EDEM3: variants seen among roughly 807,000 people sequenced by gnomAD.
EDEM3 encodes the protein ER degradation enhancing alpha-mannosidase like protein 3, also known as ER degradation-enhancing alpha-mannosidase-like protein 3.
In EDEM3, 60 loss-of-function variants were observed where a neutral mutation model predicts 110.2. That is an observed-to-expected ratio of 0.54 (90% CI 0.44 to 0.67). EDEM3 has a LOEUF of 0.67. EDEM3 is among the 30% of genes least tolerant of loss of function. The pLI is 0.00. For synonymous variants in EDEM3, 352 were observed against 382.9 expected (o/e 0.92, Z 0.94); for missense variants, 996 against 1,121.0 (o/e 0.89, Z 1.59).
Position 184,708,295 on chromosome 1 carries a change from A to G in EDEM3, c.1895T>C (p.Met632Thr), listed in dbSNP as rs370413532. Residue 632 changes from methionine to threonine, a missense_variant, in exon 17 of 20, where the codon ATG becomes ACG. By Grantham distance (81) the Met-to-Thr change is moderately conservative. Transcript: ENST00000318130. Reference sequence around the variant, plus strand: ...TTGTTGCTGACTTGACAATTCAATCATCTCCTGCATGAACCTCAACCCATC... The same window carrying G: ...TTGTTGCTGACTTGACAATTCAATCGTCTCCTGCATGAACCTCAACCCATC... ...AEDGLRFMQE[M>T]IELSSQQQKE... The G allele has an allele frequency of 2.5e-6, 4 of 1,613,262 alleles. No individual in the cohort carries two copies.
intron 15 of EDEM3, 64 bp from the exon 16 acceptor site, chr1:184,710,611 G>A: frequency 6.7e-7 from 1 of 1,493,984 alleles, no homozygotes; most frequent in Non-Finnish European, 9.0e-7. Context: ...AAAAACACAT[G>A]TCAAATAAAA....
chr1:184,740,280 C>G (rs1043492100), intron 2 of EDEM3, among the ~76,000 whole-genome samples: 4 of 152,140 alleles, frequency 2.6e-5, no homozygotes, highest in African/African-American at 9.7e-5. Flanking sequence ...AATTCTCCCC[C>G]TCAATATAGG....
At chr1:184,712,690 G>T in intron 13 of EDEM3, 92 bp from the exon 14 acceptor site, 1 of 834,084 alleles carries the variant, frequency 1.2e-6, no homozygotes, top group Non-Finnish European at 1.8e-6. Flanking sequence ...TAATAATCCT[G>T]TCTATACCAA....
At chr1:184,712,708 G>T in intron 13 of EDEM3, 110 bp from the exon 14 acceptor site, 1 of 695,624 alleles carries the variant, frequency 1.4e-6, no homozygotes, top group Non-Finnish European at 2.2e-6. Flanking sequence ...CAACTTAGAT[G>T]TTCAAAGAAC....
intron 2 of EDEM3, among the ~76,000 whole-genome samples, chr1:184,740,313 G>A (rs1334666325): frequency 6.6e-6 from 1 of 152,074 alleles, no homozygotes; most frequent in Non-Finnish European, 1.5e-5. Context: ...TATGTTATTA[G>A]AGGGAGTCTC....
At chr1:184,721,530 T>C in intron 8 of EDEM3, 144 bp from the exon 9 acceptor site, 1 of 479,094 alleles carries the variant, frequency 2.1e-6, no homozygotes. Context: ...CTGGAACAGA[T>C]AATTATATTT....
chr1:184,702,350 T>C (rs1264703987), intron 19 of EDEM3, among the ~76,000 whole-genome samples: 2 of 152,206 alleles, frequency 1.3e-5, no homozygotes, highest in Non-Finnish European at 2.9e-5. Context: ...TAGATTTCTA[T>C]TGCCTTCACC....
intron 1 of EDEM3, among the ~76,000 whole-genome samples, chr1:184,753,168 A>G (rs1652862003): frequency 6.6e-6 from 1 of 151,998 alleles, no homozygotes; most frequent in Non-Finnish European, 1.5e-5. Flanking sequence ...ACCCCATGAG[A>G]TAATCTTCGT....
chr1:184,725,907 ATATGGAAG>A (rs1651165630), intron 7 of EDEM3, among the ~76,000 whole-genome samples: 1 of 152,278 alleles, frequency 6.6e-6, no homozygotes, highest in Non-Finnish European at 1.5e-5. Context: ...CAGAAGTGCA[ATATGGAAG>A]TCTAACAAAT....
rs1301893376 is a variant in EDEM3, at chr1:184,708,337, C to G, written c.1853G>C (p.Ser618Thr). The change falls in exon 17 of 20, where the codon AGT (serine) becomes ACT (threonine). Residue 618 changes from serine to threonine, a missense_variant. This residue lies in a region of EDEM3 where 345 missense variants were observed against 402.0 expected (regional missense o/e 0.86). Transcript: ENST00000318130. The stretch of plus-strand genomic sequence containing the variant: ...CAACCCATCTTCAGCGTCGATTGAA[C>G]TAGCAGCCTATGAAAAAAACAAATT... ...QLVQHAIQAASSIDAEDGLRF... is the reference protein window; with the variant it reads ...QLVQHAIQAATSIDAEDGLRF... 1 of 1,606,072 alleles carries G rather than the reference C, an allele frequency of 6.2e-7. No homozygotes were observed. Among genetic ancestry groups the G allele is most frequent in the South Asian group, 1.1e-5 (1 of 88,976 alleles).
At chr1:184,704,471 C>A (rs896121793) in intron 18 of EDEM3, among the ~76,000 whole-genome samples, 2 of 150,430 alleles carry the variant, frequency 1.3e-5, no homozygotes, top group African/African-American at 2.4e-5. Flanking sequence ...GCCAACACAG[C>A]GAAACCCCTT....
Position 184,726,355 on chromosome 1 carries a change from G to C in EDEM3, c.647C>G (p.Ala216Gly). The change falls in exon 7 of 20, where the codon GCT becomes GGT. Residue 216 changes from alanine to glycine, a missense_variant. Ala to Gly is a moderately conservative substitution (Grantham distance 60, BLOSUM62 0). Coordinates refer to ENST00000318130, the MANE Select transcript of EDEM3 (RefSeq NM_025191.4). ...NLKFGIRKPE[A>G]RTGTETDTCT... ...GGTATCTGTCTCAGTTCCTGTCCGA[G>C]CTTCTGGTTTTCTGATGCCAAACTT... 6.2e-7 allele frequency: 1 copy of C among 1,613,568 alleles called. No individual in the cohort carries two copies. The highest frequency in any genetic ancestry group is 1.3e-5 in the African/African-American group (1 of 75,016).
At chr1:184,754,266 T>C (rs1010905852) in intron 1 of EDEM3, among the ~76,000 whole-genome samples, 1 of 152,128 alleles carries the variant, frequency 6.6e-6, no homozygotes, top group Non-Finnish European at 1.5e-5. Flanking sequence ...CCTGCACATG[T>C]CACCGGCGGC....
chr1:184,741,492 A>G (rs187135732), intron 2 of EDEM3, among the ~76,000 whole-genome samples: 60 of 152,320 alleles, frequency 3.9e-4, no homozygotes, highest in African/African-American at 1.4e-3. Context: ...AGTAAATAAT[A>G]GTTTTGCTAT....
intron 6 of EDEM3, among the ~76,000 whole-genome samples, chr1:184,728,754 C>T (rs1057279905): frequency 6.6e-6 from 1 of 152,058 alleles, no homozygotes; most frequent in Non-Finnish European, 1.5e-5. Flanking sequence ...GAATTACAGG[C>T]ACACACCACT....
At chr1:184,719,284 G>T in intron 10 of EDEM3, 39 bp from the exon 11 acceptor site, 1 of 1,507,286 alleles carries the variant, frequency 6.6e-7, no homozygotes, top group Non-Finnish European at 8.9e-7. Flanking sequence ...AATAAAATAT[G>T]AGCTGATTTT....
chr1:184,700,919 C>T (rs1389199273), intron 19 of EDEM3, among the ~76,000 whole-genome samples: 6 of 151,912 alleles, frequency 3.9e-5, no homozygotes, highest in Non-Finnish European at 8.8e-5. Flanking sequence ...GGGGGCTTTT[C>T]AATACTTTTA....
At chr1:184,736,960 T>G in intron 4 of EDEM3, 65 bp downstream of exon 4, 2 of 1,277,310 alleles carry the variant, frequency 1.6e-6, no homozygotes, top group South Asian at 2.4e-5. Context: ...TGTGTTATGA[T>G]CATATTCATA....
intron 7 of EDEM3, among the ~76,000 whole-genome samples, chr1:184,725,816 T>C (rs575277666): frequency 1.3e-5 from 2 of 152,128 alleles, no homozygotes; most frequent in African/African-American, 4.8e-5. Context: ...GTAAACAAAT[T>C]TACAGATTAC....
Sources: allele counts gnomAD v4.1 joint callset (sites outside exome capture counted in the v4.1 genomes callset), GRCh38; gene constraint gnomAD v4.1.1; regional missense constraint gnomAD v4.1.1; transcripts MANE v1.5; gene names NCBI Gene and HGNC (gene_info 2026-07-23, HGNC 2026-07-21).